ITGB6: variants seen among roughly 807,000 people sequenced by gnomAD.
ITGB6 encodes the protein integrin beta-6.
Under a neutral mutation model 84.5 loss-of-function variants are expected in ITGB6, and 80 were observed. The observed-to-expected ratio is 0.95, with a 90% CI of 0.79 to 1.14. The LOEUF (loss-of-function observed/expected upper bound fraction) is 1.14, where lower values mean the gene tolerates loss of function less well. ITGB6 is among the 50% of genes most tolerant of loss of function. The probability of loss-of-function intolerance (pLI) is 0.00; values close to 1 mark genes in which losing one functional copy is unlikely to be tolerated. For synonymous variants in ITGB6, 383 were observed against 354.9 expected (o/e 1.08, Z -0.89); for missense variants, 1,006 against 968.0 (o/e 1.04, Z -0.52).
intron 12 of ITGB6, among the ~76,000 whole-genome samples, chr2:160,114,822 T>C (rs923611208): frequency 1.3e-5 from 2 of 152,164 alleles, no homozygotes; most frequent in Non-Finnish European, 2.9e-5. Flanking sequence ...TCTTTTCCAA[T>C]GGGCTTAAAA....
chr2:160,137,623 C>G lies in ITGB6; in HGVS notation c.1471G>C (p.Glu491Gln). The change falls in exon 10 of 15, where the codon GAG (glutamate) becomes CAG (glutamine). Residue 491 changes from glutamate to glutamine, a missense_variant. Coordinates refer to ENST00000283249, the MANE Select transcript of ITGB6 (RefSeq NM_000888.5). The stretch of plus-strand genomic sequence containing the variant: ...GTGCTCAGCATGTCCTCGCCACACT[C>G]ACAGCGAGGCCCCATGTGGCCAGGG... ...CHPGHMGPRC[E>Q]CGEDMLSTDS... 6.2e-7 allele frequency: 1 copy of G among 1,614,212 alleles called. No individual in the cohort carries two copies. The highest frequency in any genetic ancestry group is 8.5e-7 in the Non-Finnish European group (1 of 1,180,024).
At chr2:160,186,712 A>G (rs1007385665) in intron 4 of ITGB6, among the ~76,000 whole-genome samples, 95 of 152,196 alleles carry the variant, frequency 6.2e-4, no homozygotes, top group African/African-American at 2.2e-3. Flanking sequence ...CTTGGAACCA[A>G]CCCAAATGTC....
intron 7 of ITGB6, 40 bp from the exon 8 acceptor site, chr2:160,142,111 A>T (rs755262750): frequency 2.3e-6 from 3 of 1,316,100 alleles, no homozygotes; most frequent in Non-Finnish European, 3.2e-6. Context: ...TTGTTTCCTC[A>T]TGGTAATTGA....
rs549900089 is a variant in ITGB6, at chr2:160,139,548, G to A, written c.1108-1349C>T. 3.3e-5 allele frequency among the ~76,000 whole-genome samples: 5 copies of A among 152,184 alleles called. No homozygotes were observed. In the South Asian group the frequency reaches 8.3e-4, roughly 25 times the overall value. ...AGTCAGGAGCTAAATAAAAATTAAG[G>A]GATATGAGCTAGAAGACTGTGACAG... On this transcript the variant is annotated intron_variant, in intron 8 of 14. Transcript: ENST00000283249.
At chr2:160,133,879 C>T (rs1388704099) in intron 10 of ITGB6, among the ~76,000 whole-genome samples, 1 of 151,980 alleles carries the variant, frequency 6.6e-6, no homozygotes, top group Non-Finnish European at 1.5e-5. Context: ...CACAACATAC[C>T]AGAATCTCTG....
At chr2:160,135,396 A>G (rs1683664652) in intron 10 of ITGB6, among the ~76,000 whole-genome samples, 1 of 149,886 alleles carries the variant, frequency 6.7e-6, no homozygotes, top group African/African-American at 2.4e-5. Flanking sequence ...GCTCAATGAA[A>G]TAAAAGAGGA....
chr2:160,139,305 A>T (rs1320923502), intron 8 of ITGB6, among the ~76,000 whole-genome samples: 1 of 152,188 alleles, frequency 6.6e-6, no homozygotes, highest in Middle Eastern at 3.2e-3. Context: ...TAAAAAGCAT[A>T]TTCGGCTTCA....
At chr2:160,173,349 C>A (rs536669606) in intron 5 of ITGB6, among the ~76,000 whole-genome samples, 2 of 152,320 alleles carry the variant, frequency 1.3e-5, no homozygotes, top group South Asian at 4.1e-4. Context: ...AAAACGCATC[C>A]TGGCTCTTCC....
chr2:160,109,939 T>C (rs563153135), intron 13 of ITGB6, among the ~76,000 whole-genome samples: 2 of 152,256 alleles, frequency 1.3e-5, no homozygotes, highest in Non-Finnish European at 2.9e-5. Context: ...GCTTTTATAC[T>C]GATTACACGT....
rs184718496 is a variant in ITGB6 at position 160,109,306 on chromosome 2, A to G, written c.2102-1461T>C. On this transcript the variant is annotated intron_variant, in intron 13 of 14. Transcript: ENST00000283249. ...CTAAAGACTATATTCTCGCATAGCAAATGAACCATAGCTGCCTCTAATAGG... is the reference window on the plus strand; with the variant it reads ...CTAAAGACTATATTCTCGCATAGCAGATGAACCATAGCTGCCTCTAATAGG... 5.3e-4 allele frequency among the ~76,000 whole-genome samples: 81 copies of G among 152,368 alleles called. 1 individual carries two copies. The highest frequency in any genetic ancestry group is 1.8e-3 in the African/African-American group (74 of 41,576).
At chr2:160,187,067 T>C (rs1337882067) in intron 4 of ITGB6, among the ~76,000 whole-genome samples, 2 of 152,050 alleles carry the variant, frequency 1.3e-5, no homozygotes, top group African/African-American at 4.8e-5. Flanking sequence ...TATACCTACG[T>C]AACAAACCTG....
At chr2:160,182,040 T>C (rs1685699923) in intron 4 of ITGB6, among the ~76,000 whole-genome samples, 1 of 152,094 alleles carries the variant, frequency 6.6e-6, no homozygotes, top group African/African-American at 2.4e-5. Flanking sequence ...GAGGAAAAAC[T>C]AATGCAAAAA....
Position 160,195,620 on chromosome 2 carries a change from A to G in ITGB6, c.347-5T>C, listed in dbSNP as rs1197550144. ...CCTGCAGAGTCTGCGCACCACCTGC[A>G]AAGCCCAACAGGAAAAGCAAACCCA... On this transcript the variant is annotated splice_region_variant and splice_polypyrimidine_tract_variant and intron_variant, in intron 3 of 14. Transcript: ENST00000283249. The G allele has an allele frequency of 5.6e-6, 9 of 1,613,710 alleles. No homozygotes were observed. The highest frequency in any genetic ancestry group is 7.6e-6 in the Non-Finnish European group (9 of 1,179,872).
intron 7 of ITGB6, among the ~76,000 whole-genome samples, chr2:160,155,764 C>T (rs1355203081): frequency 1.3e-5 from 2 of 152,144 alleles, no homozygotes; most frequent in Non-Finnish European, 2.9e-5. Context: ...AACGATTCTA[C>T]ATATCAACAA....
chr2:160,133,270 C>T (rs560463518), intron 10 of ITGB6, among the ~76,000 whole-genome samples: 2 of 152,208 alleles, frequency 1.3e-5, no homozygotes, highest in East Asian at 3.9e-4. Context: ...ATCCTAGTCT[C>T]TGATAAAACA....
chr2:160,119,498 C>T (rs1682934464), intron 12 of ITGB6, among the ~76,000 whole-genome samples: 1 of 151,856 alleles, frequency 6.6e-6, no homozygotes, highest in South Asian at 2.1e-4. Context: ...TTCCTTACAC[C>T]TTATACAAAA....
At chr2:160,180,297 G>T (rs915763403) in intron 4 of ITGB6, among the ~76,000 whole-genome samples, 1 of 152,092 alleles carries the variant, frequency 6.6e-6, no homozygotes, top group East Asian at 1.9e-4. Context: ...ATAAAGATTA[G>T]ATTAAAGAGG....
In ITGB6 at chr2:160,138,068, G is replaced by A; in HGVS notation, c.1239C>T (p.Asp413=). 6.2e-7 allele frequency: 1 copy of A among 1,611,926 alleles called. No homozygotes were observed. The highest frequency in any genetic ancestry group is 8.5e-7 in the Non-Finnish European group (1 of 1,179,198). ...TATCTACTGGCCAGCTACTTACTGT[G>A]TCTCCCACTTTCATGTGAGAGCATT... The part of the protein sequence containing the change: ...QKKCSHMKVG[D]TASFSVTVNI... The change falls in exon 9 of 15, where the codon GAC becomes GAT. Residue 413 remains aspartate (D), a synonymous_variant. Transcript: ENST00000283249.
Position 160,172,150 on chromosome 2 carries a change from C to T in ITGB6, c.921+419G>A, listed in dbSNP as rs183600407. Among the ~76,000 whole-genome samples the T allele has an allele frequency of 2.4e-3, 362 of 152,314 alleles. 2 individuals are homozygous for T. Among genetic ancestry groups the T allele is most frequent in the African/African-American group, 8.1e-3 (336 of 41,568 alleles). ...GTTAACAAGCACCAACCAAGCCATA[C>T]CTGACTAGTTGTTACCCATGGAACA... On this transcript the variant is annotated intron_variant, in intron 6 of 14. Coordinates refer to ENST00000283249, the MANE Select transcript of ITGB6 (RefSeq NM_000888.5).
Sources: allele counts gnomAD v4.1 joint callset (sites outside exome capture counted in the v4.1 genomes callset), GRCh38; gene constraint gnomAD v4.1.1; transcripts MANE v1.5; gene names NCBI Gene and HGNC (gene_info 2026-07-23, HGNC 2026-07-21).